TSPAN3: variants seen among roughly 807,000 people sequenced by gnomAD.
TSPAN3 encodes tetraspanin 3.
TSPAN3 carries 9 observed loss-of-function variants against 31.1 expected under a neutral mutation model. That is an observed-to-expected ratio of 0.29 (90% CI 0.17 to 0.50). The LOEUF (loss-of-function observed/expected upper bound fraction) is 0.50. Among genes scored for constraint, TSPAN3 ranks in the 20% least tolerant of loss-of-function variants. The pLI, the probability that TSPAN3 is intolerant of heterozygous loss-of-function variation, is 0.98. For missense variants in TSPAN3, 252 were observed against 313.5 expected, an observed-to-expected ratio of 0.80 and a Z score of 1.48; for synonymous variants, 129 against 114.3, an observed-to-expected ratio of 1.13 and a Z score of -0.82.
intron 6 of TSPAN3, among the ~76,000 whole-genome samples, chr15:77,052,093 C>T (rs1357644029): frequency 6.6e-6 from 1 of 152,196 alleles, no homozygotes; most frequent in Non-Finnish European, 1.5e-5. Context: ...ACTAAGACAA[C>T]AGTTCGTTTA....
rs1474704615 is a variant in TSPAN3, at chr15:77,046,796, A to G, written c.*39T>C. The G allele has an allele frequency of 8.7e-6, 13 of 1,501,532 alleles. No homozygotes were observed. The highest frequency in any genetic ancestry group is 1.7e-4 in the Middle Eastern group (1 of 5,874). 93.0% of individuals were successfully genotyped at this position (1,501,532 alleles called of 1,614,324 possible). ...CAGACCTGCTCAATTCACCTTCCAA[A>G]TCAGAACAAGACCAAAAAGCTCAGG... is the stretch of plus-strand genomic sequence containing the variant. On this transcript the variant is annotated 3_prime_UTR_variant, in exon 7 of 7. Transcript: ENST00000267970.
At chr15:77,054,110 G>T (rs2076752175) in intron 4 of TSPAN3, 68 bp downstream of exon 4, 1 of 1,063,972 alleles carries the variant, frequency 9.4e-7, no homozygotes, top group Non-Finnish European at 1.5e-6. Context: ...CACAGAAATA[G>T]CAGTTAGTTT....
At chr15:77,064,159 G>A (rs1442218959) in intron 1 of TSPAN3, 3 of 152,168 alleles carry the variant, frequency 2.0e-5, no homozygotes, top group African/African-American at 7.2e-5. Context: ...ACAGTGAGGA[G>A]AAGGAAGAGG....
In TSPAN3 at chr15:77,043,167, G is replaced by A. The variant is rs2076669322; in HGVS notation, c.*3668C>T. Reference sequence around the variant, plus strand: ...CCAGTAAGTTGATTCTCCAGCATGGGACAGGCAGCATATCCCAGGCAACCA... The same window carrying A: ...CCAGTAAGTTGATTCTCCAGCATGGAACAGGCAGCATATCCCAGGCAACCA... On this transcript the variant is annotated 3_prime_UTR_variant, in exon 7 of 7. Transcript: ENST00000267970. 6.6e-6 allele frequency: 1 copy of A among 152,212 alleles called. No homozygotes were observed. The highest frequency in any genetic ancestry group is 1.5e-5 in the Non-Finnish European group (1 of 68,168). The allele number at this position is 152,212 out of a possible 1,614,324, so 9.4% of individuals were successfully genotyped here.
rs1596152558 is a variant in TSPAN3, at chr15:77,043,210, T to C, written c.*3625A>G. The C allele has an allele frequency of 6.6e-6, 1 of 151,914 alleles. No homozygotes were observed. Among genetic ancestry groups the C allele is most frequent in the Non-Finnish European group, 1.5e-5 (1 of 68,042 alleles). 9.4% of individuals were successfully genotyped at this position (151,914 alleles called of 1,614,324 possible). ...GGCAACCACAGCCACCCCTCGGAGG[T>C]CTCTCCACCTTGGGGAACCTCCTCT... On this transcript the variant is annotated 3_prime_UTR_variant, in exon 7 of 7. Transcript: ENST00000267970.
In TSPAN3 at chr15:77,061,381, GC is replaced by G. The variant is rs543980850; in HGVS notation, c.64-5127del. 9.6e-3 allele frequency among the ~76,000 whole-genome samples: 1,454 copies of G among 152,174 alleles called. 12 individuals are homozygous for G. The highest frequency in any genetic ancestry group is 0.016 in the Non-Finnish European group (1,073 of 68,006). On this transcript the variant is annotated intron_variant, in intron 1 of 6. Coordinates refer to ENST00000267970, the MANE Select transcript of TSPAN3 (RefSeq NM_005724.6). ...CGTCTCTACTAAAAATACAAAATTA[GC>G]CGGGCGTGGTGGCACATGCCTGTAA...
At chr15:77,051,074 A>ATT (rs950200243) in intron 6 of TSPAN3, among the ~76,000 whole-genome samples, 1 of 150,864 alleles carries the variant, frequency 6.6e-6, no homozygotes, top group Non-Finnish European at 1.5e-5. Context: ...TTTAAAAAAA[A>ATT]TTTTTTTTTT....
At chr15:77,064,153 TGAG>T (rs1334129042) in intron 1 of TSPAN3, 1 of 152,044 alleles carries the variant, frequency 6.6e-6, no homozygotes, top group East Asian at 1.9e-4. Flanking sequence ...AGGAAGACAG[TGAG>T]GAGAAGGAAG....
chr15:77,066,913 A>T (rs1225483761), intron 1 of TSPAN3, among the ~76,000 whole-genome samples: 1 of 152,166 alleles, frequency 6.6e-6, no homozygotes, highest in Non-Finnish European at 1.5e-5. Context: ...AAGGGGCCGT[A>T]GCTGGTCAGG....
rs1203856249 is a variant in TSPAN3, at chr15:77,043,897, G to C, written c.*2938C>G. 6.6e-6 allele frequency: 1 copy of C among 152,348 alleles called. No homozygotes were observed. Among genetic ancestry groups the C allele is most frequent in the Non-Finnish European group, 1.5e-5 (1 of 68,058 alleles). 9.4% of individuals were successfully genotyped at this position (152,348 alleles called of 1,614,324 possible). A position where few individuals can be genotyped will look rare whatever the true frequency, so the allele number is the denominator to read the frequency against. ...CATGACAGGTGTGGAGGCAGCAGGA[G>C]GGAGGGAGAGGGAGAGACAGGGGGT... On this transcript the variant is annotated 3_prime_UTR_variant, in exon 7 of 7. Transcript: ENST00000267970.
At position 77,054,788 on chromosome 15, in the gene TSPAN3, T is replaced by C. The variant is rs1212176563; in HGVS notation, c.331-509A>G. The C allele has an allele frequency of 2.0e-5, 3 of 152,420 alleles. No homozygotes were observed. The East Asian group carries it at 5.8e-4, about 29-fold the overall frequency. 9.4% of individuals were successfully genotyped at this position (152,420 alleles called of 1,614,324 possible). A position where few individuals can be genotyped will look rare whatever the true frequency, so the allele number is the denominator to read the frequency against. Reference sequence around the variant, plus strand: ...CGGCAGGTTTAAAAAAATCAGTCCTTAGAAATGGCACTTTATGAAAAAGCT... The same window carrying C: ...CGGCAGGTTTAAAAAAATCAGTCCTCAGAAATGGCACTTTATGAAAAAGCT... On this transcript the variant is annotated intron_variant, in intron 3 of 6. Transcript: ENST00000267970.
rs777820738 is a variant in TSPAN3, at chr15:77,052,788, G to A, written c.574C>T (p.Leu192Phe). Residue 192 changes from leucine to phenylalanine, a missense_variant, in exon 5 of 7, where the codon CTC becomes TTC. Leu to Phe is a conservative substitution (Grantham distance 22, BLOSUM62 0). Coordinates refer to ENST00000267970, the MANE Select transcript of TSPAN3 (RefSeq NM_005724.6). ...CNGSLAHPSDLYAEGCEALVV... is the reference protein window; with the variant it reads ...CNGSLAHPSDFYAEGCEALVV... ...GCCAAGAGACTCACCTCAGCATAGA[G>A]GTCGGAAGGGTGGGCCAGGCTGCCA... 5 of 1,613,970 alleles carry A rather than the reference G, an allele frequency of 3.1e-6. No individual in the cohort carries two copies. The highest frequency in any genetic ancestry group is 2.5e-6 in the Non-Finnish European group (3 of 1,179,974).
At chr15:77,067,436 T>A (rs565387654) in intron 1 of TSPAN3, among the ~76,000 whole-genome samples, 37 of 152,276 alleles carry the variant, frequency 2.4e-4, no homozygotes, top group African/African-American at 4.8e-4. Flanking sequence ...TATCAAGACA[T>A]AAGAAAGTGT....
At chr15:77,053,721 G>T (rs986709922) in intron 4 of TSPAN3, among the ~76,000 whole-genome samples, 2 of 152,110 alleles carry the variant, frequency 1.3e-5, no homozygotes, top group Non-Finnish European at 2.9e-5. Flanking sequence ...AGGTCGGGGT[G>T]CAAACATCTA....
At chr15:77,062,599 G>A (rs1206603622) in intron 1 of TSPAN3, among the ~76,000 whole-genome samples, 4 of 152,218 alleles carry the variant, frequency 2.6e-5, no homozygotes, top group African/African-American at 9.7e-5. Flanking sequence ...CAGATGGGCG[G>A]AAGCACAAAC....
chr15:77,054,322 A>G (rs748944453), intron 3 of TSPAN3, 43 bp from the exon 4 acceptor site: 19 of 1,339,572 alleles, frequency 1.4e-5, no homozygotes, highest in Non-Finnish European at 1.9e-5. Flanking sequence ...AATACTAGTA[A>G]AAGTAACATT....
Position 77,045,308 on chromosome 15 carries a change from GCCC to G in TSPAN3, c.*1524_*1526del, listed in dbSNP as rs1298999864. 1 of 152,490 alleles carries G rather than the reference GCCC, an allele frequency of 6.6e-6. No homozygotes were observed. The highest frequency in any genetic ancestry group is 2.4e-5 in the African/African-American group (1 of 41,346). 9.4% of individuals were successfully genotyped at this position (152,490 alleles called of 1,614,324 possible). A position where few individuals can be genotyped will look rare whatever the true frequency, so the allele number is the denominator to read the frequency against. Reference sequence around the variant, plus strand: ...CAGCCAGAATCCACCGCTCACCACCGCCCCCAACAGTGCCCTGCTGCCCACTGC... The same window carrying G: ...CAGCCAGAATCCACCGCTCACCACCGCCAACAGTGCCCTGCTGCCCACTGC... On this transcript the variant is annotated 3_prime_UTR_variant, in exon 7 of 7. Coordinates refer to ENST00000267970, the MANE Select transcript of TSPAN3 (RefSeq NM_005724.6).
At position 77,042,928 on chromosome 15, in the gene TSPAN3, C is replaced by T. The variant is rs2076668031; in HGVS notation, c.*3907G>A. On this transcript the variant is annotated 3_prime_UTR_variant, in exon 7 of 7. Transcript: ENST00000267970. ...TTTATTGCCTCTTAACTCCAAATTT[C>T]CCTGACCTTGCCCTTCCTTGTCACA... 1 of 152,224 alleles carries T rather than the reference C, an allele frequency of 6.6e-6. No individual in the cohort carries two copies. The highest frequency in any genetic ancestry group is 1.5e-5 in the Non-Finnish European group (1 of 68,072). 9.4% of individuals were successfully genotyped at this position (152,224 alleles called of 1,614,324 possible).
chr15:77,061,268 C>G (rs149459279), intron 1 of TSPAN3, among the ~76,000 whole-genome samples: 94 of 152,264 alleles, frequency 6.2e-4, no homozygotes, highest in African/African-American at 2.3e-3. Context: ...TAGCTCACAC[C>G]AGTAATCCCA....
Sources: allele counts gnomAD v4.1 joint callset (sites outside exome capture counted in the v4.1 genomes callset), GRCh38; gene constraint gnomAD v4.1.1; transcripts MANE v1.5; gene names NCBI Gene and HGNC (gene_info 2026-07-23, HGNC 2026-07-21).